The following SPTBN5 variants were observed in gnomAD, a reference collection of about 807,000 sequenced individuals.
SPTBN5 encodes the protein spectrin beta, non-erythrocytic 5, also known as spectrin beta chain, non-erythrocytic 5.
SPTBN5 carries 513 observed loss-of-function variants against 477.6 expected under a neutral mutation model. The ratio of observed to expected loss-of-function variants is 1.07; its 90% CI spans 1.00 to 1.16. The LOEUF (loss-of-function observed/expected upper bound fraction) is 1.16. Ranked by LOEUF, SPTBN5 falls within the 50% of genes most tolerant of loss-of-function variation. SPTBN5 has a pLI of 0.00. For synonymous variants in SPTBN5, 2,169 were observed against 2,011.7 expected (o/e 1.08, Z -2.09); for missense variants, 5,062 against 4,731.8 (o/e 1.07, Z -2.05).
chr15:41,880,183 C>T lies in SPTBN5; in HGVS notation c.2788G>A (p.Glu930Lys). The stretch of plus-strand genomic sequence containing the variant: ...ACCTCATATTTGAGCTGCATGACCT[C>T]CAGGGTGTCAGCCTGGGGCTGCACC... ...QRVQPQADTL[E>K]VMQLKYENFL... Residue 930 changes from glutamate (E) to lysine (K), a missense_variant, in exon 14 of 68, where the codon GAG (glutamate) becomes AAG (lysine). Coordinates refer to ENST00000320955, the MANE Select transcript of SPTBN5 (RefSeq NM_016642.4). The T allele has an allele frequency of 6.2e-7, 1 of 1,604,590 alleles. No homozygotes were observed. Among genetic ancestry groups the T allele is most frequent in the Non-Finnish European group, 8.5e-7 (1 of 1,176,362 alleles).
chr15:41,850,615 A>G (rs2065720389), intron 66 of SPTBN5: 1 of 550,072 alleles, frequency 1.8e-6, no homozygotes, highest in South Asian at 2.3e-5. Context: ...GAACAGGACC[A>G]GGACACAGCT....
At position 41,862,244 on chromosome 15, in the gene SPTBN5, C is replaced by T; in HGVS notation, c.7434G>A (p.Met2478Ile). Residue 2478 changes from methionine to isoleucine, a missense_variant, in exon 44 of 68, where the codon ATG (methionine) becomes ATA (isoleucine). Physicochemically the swap from Met to Ile is conservative, Grantham distance 10 (BLOSUM62 1). Coordinates refer to ENST00000320955, the MANE Select transcript of SPTBN5 (RefSeq NM_016642.4). ...GGGCGCTGACCAGCAATTCCTGCAG[C>T]ATTGCCTGGAGTTTCTGAGCTTGGT... ...ALHQAQKLQA[M>I]LQELLVSAQR... 6.2e-7 allele frequency: 1 copy of T among 1,611,346 alleles called. No homozygotes were observed. The highest frequency in any genetic ancestry group is 8.5e-7 in the Non-Finnish European group (1 of 1,178,962).
chr15:41,866,161 C>T lies in SPTBN5; in HGVS notation c.6699G>A (p.Leu2233=), dbSNP rs1164068173. The T allele has an allele frequency of 4.5e-6, 7 of 1,566,064 alleles. No homozygotes were observed. The Admixed American group carries it at 5.6e-5, about 13-fold the overall frequency. ...GCCTCAGGTCCTCCCAGTGCTTCCGCAGGCCCTGCAGCCGCTGGGAGACCT... is the reference window on the plus strand; with the variant it reads ...GCCTCAGGTCCTCCCAGTGCTTCCGTAGGCCCTGCAGCCGCTGGGAGACCT... ...AGEVSQRLQG[L]RKHWEDLRQA... Residue 2233 remains leucine (L), a synonymous_variant, in exon 38 of 68, where the codon CTG becomes CTA. Transcript: ENST00000320955.
chr15:41,863,503 G>C (rs8028958), intron 41 of SPTBN5, among the ~76,000 whole-genome samples: 44,498 of 152,084 alleles, frequency 0.29, 7,189 homozygotes, highest in Admixed American at 0.39. Context: ...GCTCGCAATG[G>C]ATGCTTCTAT....
chr15:41,875,585 T>C lies in SPTBN5; in HGVS notation c.4160A>G (p.Gln1387Arg), dbSNP rs765648384. 8 of 1,603,390 alleles carry C rather than the reference T, an allele frequency of 5.0e-6. No homozygotes were observed. In the Admixed American group the frequency reaches 1.4e-4, roughly 27 times the overall value. ...RELLSRRPCGQEDIQTRLQGL... is the reference protein window; with the variant it reads ...RELLSRRPCGREDIQTRLQGL... ...TTGAAGCCTGGTCTGTATGTCCTCC[T>C]GGCCACAGGGCCTCCTACTCAACAG... The change falls in exon 22 of 68, where the codon CAG becomes CGG. Residue 1387 changes from glutamine (Q) to arginine (R), a missense_variant. Gln to Arg is a conservative substitution (Grantham distance 43). Transcript: ENST00000320955.
At position 41,848,240 on chromosome 15, in the gene SPTBN5, C is replaced by T. The variant is rs759063458; in HGVS notation, c.*376G>A. The T allele has an allele frequency of 8.1e-6, 4 of 494,426 alleles. No homozygotes were observed. Among genetic ancestry groups the T allele is most frequent in the South Asian group, 6.7e-5 (3 of 44,842 alleles). 30.6% of individuals were successfully genotyped at this position (494,426 alleles called of 1,614,324 possible). ...GGCAAGGGCTGGTACAGAGCTCGCTCATCAGTGTTCTTCCTCCGAAGAGCA... is the reference window on the plus strand; with the variant it reads ...GGCAAGGGCTGGTACAGAGCTCGCTTATCAGTGTTCTTCCTCCGAAGAGCA... On this transcript the variant is annotated 3_prime_UTR_variant, in exon 68 of 68. Coordinates refer to ENST00000320955, the MANE Select transcript of SPTBN5 (RefSeq NM_016642.4).
At chr15:41,864,123 T>C (rs1197657) in intron 39 of SPTBN5, 99 bp from the exon 40 acceptor site, 929,747 of 1,066,494 alleles carry the variant, frequency 0.87, 406,333 homozygotes, top group East Asian at 0.99. Flanking sequence ...CCCCGGAGCA[T>C]GAGGAACTGC....
rs1344530154 is a variant in SPTBN5 at position 41,879,471 on chromosome 15, C to T, written c.2971G>A (p.Glu991Lys). 6.3e-7 allele frequency: 1 copy of T among 1,586,304 alleles called. No individual in the cohort carries two copies. ...RWGQLEALKR[E>K]KAVQLAHSVE... ...CTGTGTGCCAGCTGCACGGCCTTCTCCCTCTTCAGGGCCTCCAGCTGCCCC... is the reference window on the plus strand; with the variant it reads ...CTGTGTGCCAGCTGCACGGCCTTCTTCCTCTTCAGGGCCTCCAGCTGCCCC... The change falls in exon 16 of 68, where the codon GAG becomes AAG. Residue 991 changes from glutamate (E) to lysine (K), a missense_variant. Glu to Lys is a moderately conservative substitution (Grantham distance 56, BLOSUM62 1). Coordinates refer to ENST00000320955, the MANE Select transcript of SPTBN5 (RefSeq NM_016642.4).
rs746866341 is a variant in SPTBN5, at chr15:41,853,994, A to G, written c.9774+56T>C. The G allele has an allele frequency of 1.7e-5, 25 of 1,512,980 alleles. 2 individuals carry two copies. The South Asian group carries it at 3.1e-4, about 19-fold the overall frequency. The allele number at this position is 1,512,980 out of a possible 1,614,324, so 93.7% of individuals were successfully genotyped here. ...TGGGAGGGCTGAGATAGGTCCCCTCAGCCACCGCCTTCGGGCAGGGGCTCA... is the reference window on the plus strand; with the variant it reads ...TGGGAGGGCTGAGATAGGTCCCCTCGGCCACCGCCTTCGGGCAGGGGCTCA... On this transcript the variant is annotated intron_variant, in intron 57 of 67. Coordinates refer to ENST00000320955, the MANE Select transcript of SPTBN5 (RefSeq NM_016642.4).
chr15:41,855,409 G>A lies in SPTBN5; in HGVS notation c.9238C>T (p.Leu3080=), dbSNP rs747040214. ...NPESPKVLAQ[L]QAVREAHAEL... ...GCGTGGGCCTCCCGAACTGCCTGCA[G>A]CTGGGCTAGCACCTTGGGGCTGTGG... The change falls in exon 55 of 68, where the codon CTG becomes TTG. Residue 3080 remains leucine, a synonymous_variant. Transcript: ENST00000320955. The A allele has an allele frequency of 6.2e-7, 1 of 1,604,278 alleles. No homozygotes were observed. Among genetic ancestry groups the A allele is most frequent in the Non-Finnish European group, 8.5e-7 (1 of 1,178,602 alleles).
intron 2 of SPTBN5, 25 bp downstream of exon 2, chr15:41,893,257 G>A (rs930224391): frequency 3.1e-6 from 5 of 1,613,498 alleles, no homozygotes; most frequent in Non-Finnish European, 4.2e-6. Context: ...TGGGTGGGCT[G>A]TGGGTCACAG....
At chr15:41,856,641 TG>T in intron 52 of SPTBN5, 43 bp from the exon 53 acceptor site, 1 of 1,508,168 alleles carries the variant, frequency 6.6e-7, no homozygotes, top group Non-Finnish European at 8.9e-7. Context: ...TGCTGACCCT[TG>T]GGGGACTCCC....
intron 15 of SPTBN5, 50 bp from the exon 16 acceptor site, chr15:41,879,549 C>A: frequency 6.6e-7 from 1 of 1,517,286 alleles, no homozygotes; most frequent in Non-Finnish European, 8.8e-7. Flanking sequence ...CCTCCCCATC[C>A]ATCCGGGAGC....
Position 41,852,727 on chromosome 15 carries a change from C to T in SPTBN5, c.10356G>A (p.Val3452=), listed in dbSNP as rs190768148. The T allele has an allele frequency of 2.3e-5, 37 of 1,611,770 alleles. 1 individual carries two copies. In the East Asian group the frequency reaches 6.5e-4, roughly 28 times the overall value. The change falls in exon 61 of 68, where the codon GTG becomes GTA. Residue 3452 remains valine, a synonymous_variant. Coordinates refer to ENST00000320955, the MANE Select transcript of SPTBN5 (RefSeq NM_016642.4). ...LLLKPDYGHS[V]SDVELLLHRH... ...TGTGCAGCAGCAACTCCACATCTGACACTGAGTGCTGGGGAGAAGCATGTT... is the reference window on the plus strand; with the variant it reads ...TGTGCAGCAGCAACTCCACATCTGATACTGAGTGCTGGGGAGAAGCATGTT...
At chr15:41,848,775 C>T (rs1029867968) in intron 67 of SPTBN5, 147 bp from the exon 68 acceptor site, 73 of 975,186 alleles carry the variant, frequency 7.5e-5, no homozygotes, top group Admixed American at 2.5e-4. Context: ...GACTGACAGG[C>T]GCTGCAGCAG....
chr15:41,849,731 C>G, intron 67 of SPTBN5, 138 bp downstream of exon 67: 3 of 674,570 alleles, frequency 4.4e-6, no homozygotes, highest in Non-Finnish European at 7.7e-6. Flanking sequence ...GCAGGGGCAG[C>G]TGAGGGTTCC....
rs767719768 is a variant in SPTBN5 at position 41,853,705 on chromosome 15, G to A, written c.9857C>T (p.Pro3286Leu). 27 of 1,596,154 alleles carry A rather than the reference G, an allele frequency of 1.7e-5. No individual in the cohort carries two copies. The highest frequency in any genetic ancestry group is 1.6e-4 in the East Asian group (7 of 44,250). ...CRLGQLHPAA[P>L]GGLAKVQEAW... ...CTCCTGCACCTTGGCCAGGCCCCCC[G>A]GAGCTGCAGGATGTAGCTGGCCCAG... Residue 3286 changes from proline to leucine, a missense_variant, in exon 58 of 68, where the codon CCG becomes CTG. Pro to Leu is a moderately conservative substitution (Grantham distance 98). Coordinates refer to ENST00000320955, the MANE Select transcript of SPTBN5 (RefSeq NM_016642.4).
chr15:41,862,403 G>A, intron 43 of SPTBN5, 111 bp from the exon 44 acceptor site: 1 of 1,515,776 alleles, frequency 6.6e-7, no homozygotes, highest in Non-Finnish European at 8.8e-7. Context: ...CCCATGGGCT[G>A]GGAGTTACTG....
At chr15:41,876,738 C>T (rs1303878360) in intron 19 of SPTBN5, 71 bp downstream of exon 19, 5 of 1,606,580 alleles carry the variant, frequency 3.1e-6, no homozygotes, top group Non-Finnish European at 4.2e-6. Context: ...ACTCTCCCAG[C>T]CCTAGGGCGG....
Sources: gnomAD v4.1 joint callset for allele counts (sites outside exome capture counted in the v4.1 genomes callset) on GRCh38, gnomAD v4.1.1 for gene constraint, MANE v1.5 for transcripts, NCBI Gene and HGNC (gene_info 2026-07-23, HGNC 2026-07-21) for gene names.